Variants in DZIP3 observed in about 807,000 individuals in gnomAD.
DZIP3 encodes the protein E3 ubiquitin-protein ligase DZIP3.
Under a neutral mutation model 162.0 loss-of-function variants are expected in DZIP3, and 118 were observed. The ratio of observed to expected loss-of-function variants is 0.73; its 90% CI spans 0.63 to 0.85. The LOEUF is 0.85. DZIP3 is among the 40% of genes least tolerant of loss of function. The probability of loss-of-function intolerance (pLI) is 0.00; values close to 1 mark genes in which losing one functional copy is unlikely to be tolerated. For synonymous variants in DZIP3, 438 were observed against 458.6 expected (o/e 0.96, Z 0.57); for missense variants, 1,331 against 1,407.0 (o/e 0.95, Z 0.86).
intron 30 of DZIP3, 33 bp from the exon 31 acceptor site, chr3:108,688,790 A>G (rs1301810579): frequency 6.2e-7 from 1 of 1,613,872 alleles, no homozygotes; most frequent in East Asian, 2.2e-5. Flanking sequence ...GAAAACAATG[A>G]GCTAAATTTA....
chr3:108,622,878 C>CTG lies in DZIP3; in HGVS notation c.376-1565_376-1564insGT, dbSNP rs1323518919. ...TCTCTCTCTCTCTCTCTCTCTCTCT[C>CTG]TCTGTGTGTGTGTGTGTGTATGGAG... On this transcript the variant is annotated intron_variant, in intron 5 of 32. Transcript: ENST00000361582. Among the ~76,000 whole-genome samples, 136 of 79,504 alleles carry CTG rather than the reference C, an allele frequency of 1.7e-3. 1 individual carries two copies. The highest frequency in any genetic ancestry group is 4.9e-3 in the African/African-American group (92 of 18,822). The allele number at this position is 79,504 out of a possible 152,430, so 52.2% of individuals were successfully genotyped here.
intron 1 of DZIP3, among the ~76,000 whole-genome samples, chr3:108,593,334 G>A (rs1444882347): frequency 1.3e-5 from 2 of 152,186 alleles, no homozygotes; most frequent in African/African-American, 4.8e-5. Flanking sequence ...GGAAGGGGAA[G>A]TAATTTGCCC....
intron 4 of DZIP3, among the ~76,000 whole-genome samples, chr3:108,613,754 C>T (rs62266422): frequency 0.13 from 19,355 of 152,070 alleles, 1,690 homozygotes; most frequent in East Asian, 0.52. Context: ...AAGCAAGCCC[C>T]ATCAGATTTC....
intron 2 of DZIP3, among the ~76,000 whole-genome samples, chr3:108,606,209 C>T (rs1940363878): frequency 6.6e-6 from 1 of 152,158 alleles, no homozygotes; most frequent in Non-Finnish European, 1.5e-5. Flanking sequence ...ATGCAGAAGA[C>T]CCTGCTGAGT....
At chr3:108,689,881 A>G (rs1944628248) in intron 31 of DZIP3, among the ~76,000 whole-genome samples, 1 of 152,180 alleles carries the variant, frequency 6.6e-6, no homozygotes, top group African/African-American at 2.4e-5. Flanking sequence ...AGGGAAGTAA[A>G]TAATAGCCAG....
chr3:108,608,737 T>G (rs1240887206), intron 3 of DZIP3, among the ~76,000 whole-genome samples: 1 of 152,146 alleles, frequency 6.6e-6, no homozygotes, highest in Non-Finnish European at 1.5e-5. Flanking sequence ...AAAGACTGAT[T>G]AAGAGATATT....
chr3:108,664,788 T>C (rs1943598995), intron 21 of DZIP3, among the ~76,000 whole-genome samples: 1 of 152,216 alleles, frequency 6.6e-6, no homozygotes, highest in Admixed American at 6.5e-5. Flanking sequence ...GAGCTGATCT[T>C]ATATTCCACT....
At chr3:108,616,740 T>C in intron 5 of DZIP3, 83 bp downstream of exon 5, 1 of 976,356 alleles carries the variant, frequency 1.0e-6, no homozygotes, top group Non-Finnish European at 1.5e-6. Flanking sequence ...CATGCTTATT[T>C]TAAGGTGTGG....
intron 12 of DZIP3, among the ~76,000 whole-genome samples, chr3:108,639,563 C>T (rs1942296597): frequency 6.6e-6 from 1 of 152,106 alleles, no homozygotes; most frequent in Non-Finnish European, 1.5e-5. Flanking sequence ...AGGATTCCCC[C>T]ATTCTCTTAG....
intron 17 of DZIP3, among the ~76,000 whole-genome samples, chr3:108,650,862 T>C (rs1219615994): frequency 6.6e-6 from 1 of 151,534 alleles, no homozygotes; most frequent in East Asian, 1.9e-4. Flanking sequence ...ATTTAGTAGA[T>C]CACAACTGCC....
chr3:108,661,987 CA>C lies in DZIP3; in HGVS notation c.2295+16del, dbSNP rs758849443. 2 of 1,609,420 alleles carry C rather than the reference CA, an allele frequency of 1.2e-6. No individual in the cohort carries two copies. Among genetic ancestry groups the C allele is most frequent in the Non-Finnish European group, 1.7e-6 (2 of 1,176,968 alleles). On this transcript the variant is annotated intron_variant, in intron 20 of 32. Coordinates refer to ENST00000361582, the MANE Select transcript of DZIP3 (RefSeq NM_014648.4). The stretch of plus-strand genomic sequence containing the variant: ...ATCAGTGTGAAGTAAGTATTTTTGC[CA>C]TTAGATCTGATGGAAGTGAGAAGTA...
intron 6 of DZIP3, among the ~76,000 whole-genome samples, chr3:108,625,517 G>A (rs1043434785): frequency 6.6e-6 from 1 of 152,120 alleles, no homozygotes; most frequent in Non-Finnish European, 1.5e-5. Context: ...GCTTCAGCCT[G>A]CTAAGGAGCT....
At chr3:108,637,425 C>A in intron 11 of DZIP3, 71 bp from the exon 12 acceptor site, 2 of 1,354,084 alleles carry the variant, frequency 1.5e-6, no homozygotes, top group Non-Finnish European at 2.1e-6. Context: ...AAATGTTAAG[C>A]TAAGAAATAA....
At chr3:108,671,067 T>G (rs9814787) in intron 22 of DZIP3, among the ~76,000 whole-genome samples, 2,896 of 152,014 alleles carry the variant, frequency 0.019, 100 homozygotes, top group African/African-American at 0.067. Flanking sequence ...CTCTCATTCT[T>G]TGGGTTGCCT....
At chr3:108,629,217 T>C in intron 8 of DZIP3, 41 bp downstream of exon 8, 1 of 1,271,708 alleles carries the variant, frequency 7.9e-7, no homozygotes, top group Non-Finnish European at 1.1e-6. Context: ...TTGTAACTAA[T>C]CAGAATAACC....
At chr3:108,646,768 C>T (rs760478298) in intron 15 of DZIP3, 119 bp downstream of exon 15, 8 of 728,254 alleles carry the variant, frequency 1.1e-5, no homozygotes, top group Non-Finnish European at 8.7e-6. Flanking sequence ...TTGGGCCAGG[C>T]GCAGTGGCTC....
rs796232998 is a variant in DZIP3, at chr3:108,622,880, C to CTCTCTCTCTCTCTCTCTCTGTGTG, written c.376-1563_376-1562insCTCTCTCTCTCTCTCTCTGTGTGT. Among the ~76,000 whole-genome samples the CTCTCTCTCTCTCTCTCTCTGTGTG allele has an allele frequency of 4.4e-3, 232 of 53,044 alleles. 2 individuals are homozygous for CTCTCTCTCTCTCTCTCTCTGTGTG. Among genetic ancestry groups the CTCTCTCTCTCTCTCTCTCTGTGTG allele is most frequent in the Non-Finnish European group, 6.1e-3 (170 of 28,060 alleles). The allele number at this position is 53,044 out of a possible 152,430, so 34.8% of individuals were successfully genotyped here. ...TCTCTCTCTCTCTCTCTCTCTCTCT[C>CTCTCTCTCTCTCTCTCTCTGTGTG]TGTGTGTGTGTGTGTGTATGGAGCT... is the stretch of plus-strand genomic sequence containing the variant. On this transcript the variant is annotated intron_variant, in intron 5 of 32. Transcript: ENST00000361582.
At chr3:108,641,588 A>G (rs918570281) in intron 12 of DZIP3, among the ~76,000 whole-genome samples, 1 of 152,242 alleles carries the variant, frequency 6.6e-6, no homozygotes, top group African/African-American at 2.4e-5. Flanking sequence ...ACCTGTGTAT[A>G]TCTATAACTT....
intron 19 of DZIP3, among the ~76,000 whole-genome samples, chr3:108,654,842 A>T (rs1436557212): frequency 6.6e-6 from 1 of 152,178 alleles, no homozygotes; most frequent in Admixed American, 6.5e-5. Context: ...GCTCAACAGC[A>T]AATGAAATAA....
Sources: allele counts gnomAD v4.1 joint callset (sites outside exome capture counted in the v4.1 genomes callset), GRCh38; gene constraint gnomAD v4.1.1; transcripts MANE v1.5; gene names NCBI Gene and HGNC (gene_info 2026-07-23, HGNC 2026-07-21).